The following PTPDC1 variants were observed in gnomAD, a reference collection of about 807,000 sequenced individuals.
PTPDC1 encodes the protein protein tyrosine phosphatase domain-containing protein 1.
Under a neutral mutation model 75.3 loss-of-function variants are expected in PTPDC1, and 53 were observed. The ratio of observed to expected loss-of-function variants is 0.70; its 90% confidence interval spans 0.56 to 0.88. The LOEUF (loss-of-function observed/expected upper bound fraction) is 0.88. Ranked by LOEUF, PTPDC1 falls within the 40% of genes least tolerant of loss-of-function variation. PTPDC1 has a pLI of 0.00. For synonymous variants in PTPDC1, 349 were observed against 366.2 expected (o/e 0.95, Z 0.54); for missense variants, 925 against 998.6 (o/e 0.93, Z 0.99).
intron 1 of PTPDC1, among the ~76,000 whole-genome samples, chr9:94,048,986 T>G (rs1825702744): frequency 6.6e-6 from 1 of 152,160 alleles, no homozygotes; most frequent in African/African-American, 2.4e-5. Flanking sequence ...TTTTGATCTT[T>G]GTTGGTTTAA....
At chr9:94,048,405 T>C (rs1284039091) in intron 1 of PTPDC1, among the ~76,000 whole-genome samples, 1 of 152,228 alleles carries the variant, frequency 6.6e-6, no homozygotes, top group Non-Finnish European at 1.5e-5. Flanking sequence ...GTATGTTGTG[T>C]CTTTGTTCTC....
intron 5 of PTPDC1, among the ~76,000 whole-genome samples, 190 bp from the exon 6 acceptor site, chr9:94,097,131 A>G (rs1355884934): frequency 6.6e-6 from 1 of 152,228 alleles, no homozygotes; most frequent in Non-Finnish European, 1.5e-5. Flanking sequence ...AGTTCTGTGC[A>G]GTAAGGAACG....
intron 2 of PTPDC1, among the ~76,000 whole-genome samples, chr9:94,076,225 A>G (rs1333091385): frequency 1.3e-5 from 2 of 152,030 alleles, no homozygotes; most frequent in Non-Finnish European, 2.9e-5. Context: ...GCTGGTCTCT[A>G]ACTCCCGGCC....
intron 7 of PTPDC1, among the ~76,000 whole-genome samples, chr9:94,102,042 A>G (rs753658565): frequency 4.1e-4 from 63 of 152,328 alleles, no homozygotes; most frequent in Non-Finnish European, 7.6e-4. Flanking sequence ...ATTTTAACAT[A>G]CAAGTTTATA....
At chr9:94,083,309 A>G (rs7024817), upstream of PTPDC1, among the ~76,000 whole-genome samples, 6,864 of 152,254 alleles carry the variant, frequency 0.045, 533 homozygotes, top group African/African-American at 0.16. Context: ...TGCATTCTAA[A>G]TAACAAAGGC....
intron 1 of PTPDC1, among the ~76,000 whole-genome samples, chr9:94,052,481 G>A (rs12340234): frequency 0.16 from 24,973 of 152,006 alleles, 2,419 homozygotes; most frequent in East Asian, 0.28. Context: ...TGATAGTGCT[G>A]TTCAAGTCAT....
chr9:94,089,006 T>A (rs1374410874), intron 4 of PTPDC1, among the ~76,000 whole-genome samples: 1 of 152,146 alleles, frequency 6.6e-6, no homozygotes, highest in Non-Finnish European at 1.5e-5. Context: ...TACTTCGCCA[T>A]AATTCTTTCT....
At chr9:94,057,327 G>A (rs149120790) in intron 1 of PTPDC1, among the ~76,000 whole-genome samples, 3 of 151,946 alleles carry the variant, frequency 2.0e-5, no homozygotes, top group Non-Finnish European at 4.4e-5. Flanking sequence ...CAAACGATCT[G>A]CCCACCTCAG....
chr9:94,057,006 C>T (rs1825961642), intron 1 of PTPDC1, among the ~76,000 whole-genome samples: 1 of 152,140 alleles, frequency 6.6e-6, no homozygotes, highest in Admixed American at 6.5e-5. Flanking sequence ...CCCTTCTCTC[C>T]TGATTCTACA....
chr9:94,047,056 G>A (rs1444159343), intron 1 of PTPDC1, among the ~76,000 whole-genome samples: 1 of 152,082 alleles, frequency 6.6e-6, no homozygotes, highest in Non-Finnish European at 1.5e-5. Context: ...TTAGCATGAA[G>A]GTTGTTGAAT....
intron 1 of PTPDC1, among the ~76,000 whole-genome samples, chr9:94,047,632 G>T (rs1416914677): frequency 4.6e-5 from 7 of 152,110 alleles, no homozygotes; most frequent in Non-Finnish European, 1.0e-4. Flanking sequence ...TCCAGGAGCT[G>T]GTTTTTAGAA....
intron 8 of PTPDC1, among the ~76,000 whole-genome samples, chr9:94,105,540 C>T (rs970969853): frequency 1.3e-5 from 2 of 150,962 alleles, no homozygotes; most frequent in South Asian, 2.1e-4. Context: ...TGGTGGTGTG[C>T]GCCTGCAGTC....
intron 1 of PTPDC1, among the ~76,000 whole-genome samples, chr9:94,060,113 G>T (rs1826081750): frequency 6.6e-6 from 1 of 152,182 alleles, no homozygotes; most frequent in South Asian, 2.1e-4. Flanking sequence ...AAGGTAAAGG[G>T]AACTGCTGAT....
At chr9:94,105,802 A>G (rs1469154723) in intron 8 of PTPDC1, among the ~76,000 whole-genome samples, 1 of 151,722 alleles carries the variant, frequency 6.6e-6, no homozygotes, top group Non-Finnish European at 1.5e-5. Context: ...CCCCATCTCT[A>G]CTAAAAAGAA....
At chr9:94,095,707 C>G (rs939602770) in intron 5 of PTPDC1, among the ~76,000 whole-genome samples, 1 of 151,996 alleles carries the variant, frequency 6.6e-6, no homozygotes, top group Non-Finnish European at 1.5e-5. Flanking sequence ...GAAGATTATG[C>G]GTATACTAAA....
chr9:94,071,633 C>T (rs1358338531), intron 2 of PTPDC1, among the ~76,000 whole-genome samples: 1 of 152,144 alleles, frequency 6.6e-6, no homozygotes, highest in Non-Finnish European at 1.5e-5. Context: ...ATATATCTGT[C>T]CATCCACCAA....
chr9:94,104,232 A>AT, intron 7 of PTPDC1, 43 bp from the exon 8 acceptor site: 2 of 1,475,934 alleles, frequency 1.4e-6, no homozygotes, highest in Non-Finnish European at 1.9e-6. Flanking sequence ...TTATTGAGGC[A>AT]TTTTTTGAAA....
chr9:94,080,819 C>G (rs1490276023), upstream of PTPDC1, among the ~76,000 whole-genome samples: 1 of 152,086 alleles, frequency 6.6e-6, no homozygotes, highest in East Asian at 1.9e-4. Flanking sequence ...TGAATGAGGT[C>G]TGAGGAATAG....
chr9:94,097,952 G>A lies in PTPDC1; in HGVS notation c.1386G>A (p.Gly462=), dbSNP rs1036432949. The A allele has an allele frequency of 1.9e-6, 3 of 1,614,152 alleles. No homozygotes were observed. The highest frequency in any genetic ancestry group is 1.7e-6 in the Non-Finnish European group (2 of 1,180,036). The change falls in exon 6 of 9, where the codon GGG becomes GGA. Residue 462 remains glycine (G), a synonymous_variant. Transcript: ENST00000620992. ...LKRAENLLEQ[G]ETPQTVPAQI... is the part of the protein sequence containing the mutation. ...GGGCCGAGAACCTCCTGGAGCAAGG[G>A]GAGACTCCACAGACAGTGCCTGCCC...
Sources: gnomAD v4.1 joint callset for allele counts (sites outside exome capture counted in the v4.1 genomes callset) on GRCh38, gnomAD v4.1.1 for gene constraint, MANE v1.5 for transcripts, NCBI Gene and HGNC (gene_info 2026-07-23, HGNC 2026-07-21) for gene names.